The following CDH18 variants were observed in gnomAD, a reference collection of about 807,000 sequenced individuals.
The protein encoded by CDH18 is cadherin-18.
A neutral mutation model predicts 67.9 loss-of-function variants in CDH18; 31 were observed. The ratio of observed to expected loss-of-function variants is 0.46; its 90% CI spans 0.34 to 0.62. The LOEUF (loss-of-function observed/expected upper bound fraction) is 0.62. CDH18 is among the 20% of genes least tolerant of loss of function. The pLI is 0.01. For synonymous variants in CDH18, 362 were observed against 347.2 expected (o/e 1.04, Z -0.48); for missense variants, 890 against 975.5 (o/e 0.91, Z 1.17).
intron 2 of CDH18, among the ~76,000 whole-genome samples, chr5:20,050,533 G>T (rs1219398431): frequency 6.6e-6 from 1 of 151,822 alleles, no homozygotes; most frequent in Non-Finnish European, 1.5e-5. Context: ...TGCTTTCAAT[G>T]AGTCATTAAA....
chr5:19,509,841 T>C (rs749377069), intron 10 of CDH18, among the ~76,000 whole-genome samples: 35 of 152,298 alleles, frequency 2.3e-4, no homozygotes, highest in Non-Finnish European at 2.6e-4. Flanking sequence ...TCAAATTTCA[T>C]GCATGCATGC....
upstream of CDH18, among the ~76,000 whole-genome samples, chr5:19,992,829 T>A (rs1489379319): frequency 1.3e-5 from 2 of 152,178 alleles, no homozygotes; most frequent in East Asian, 3.9e-4. Flanking sequence ...ACATGGAGAA[T>A]TTTAAGTACA....
intron 5 of CDH18, among the ~76,000 whole-genome samples, chr5:19,637,435 A>C (rs1262102402): frequency 6.6e-6 from 1 of 151,966 alleles, no homozygotes; most frequent in Non-Finnish European, 1.5e-5. Context: ...TCCTATTTCT[A>C]CTTCTAATTG....
chr5:20,477,114 A>G (rs1043409508), intron 1 of CDH18, among the ~76,000 whole-genome samples: 4 of 152,292 alleles, frequency 2.6e-5, no homozygotes, highest in African/African-American at 9.6e-5. Flanking sequence ...TCCAGGGAAG[A>G]GTATTCCATG....
At chr5:19,533,764 C>T (rs1274388575) in intron 9 of CDH18, among the ~76,000 whole-genome samples, 1 of 152,044 alleles carries the variant, frequency 6.6e-6, no homozygotes, top group Non-Finnish European at 1.5e-5. Context: ...TTACAGATAT[C>T]AACATCCACT....
At chr5:20,299,597 A>G (rs113393093) in intron 1 of CDH18, among the ~76,000 whole-genome samples, 5,288 of 151,912 alleles carry the variant, frequency 0.035, 247 homozygotes, top group African/African-American at 0.1. Flanking sequence ...CGTCTCTACT[A>G]AAAATACAAA....
chr5:20,193,773 C>T (rs999420319), intron 2 of CDH18, among the ~76,000 whole-genome samples: 1 of 152,110 alleles, frequency 6.6e-6, no homozygotes, highest in African/African-American at 2.4e-5. Context: ...AGCTTCATTC[C>T]TGGGATGCGA....
Position 20,150,912 on chromosome 5 carries a change from C to T in CDH18, c.-518+104532G>A, listed in dbSNP as rs114195719. ...AATTTTTGTTATGCCTTTAACTCTG[C>T]TAAAGGTGTGATTTCCTATATTTCT... On this transcript the variant is annotated intron_variant, in intron 2 of 14. Coordinates refer to the CDH18 transcript ENST00000507958. Among the ~76,000 whole-genome samples, 586 of 152,094 alleles carry T rather than the reference C, an allele frequency of 3.9e-3. 3 individuals carry two copies. The highest frequency in any genetic ancestry group is 0.013 in the African/African-American group (541 of 41,520).
At chr5:20,560,771 G>A (rs1312819953) in intron 1 of CDH18, among the ~76,000 whole-genome samples, 3 of 151,980 alleles carry the variant, frequency 2.0e-5, no homozygotes, top group Non-Finnish European at 4.4e-5. Context: ...TGTTAAGTAG[G>A]TGAATGAATT....
At chr5:20,487,376 A>G (rs977390322) in intron 1 of CDH18, among the ~76,000 whole-genome samples, 9 of 149,896 alleles carry the variant, frequency 6.0e-5, no homozygotes, top group African/African-American at 2.0e-4. Flanking sequence ...ATAAACCTAT[A>G]TATGTATAAA....
chr5:20,372,629 C>A (rs1743093403), intron 1 of CDH18, among the ~76,000 whole-genome samples: 1 of 152,108 alleles, frequency 6.6e-6, no homozygotes, highest in East Asian at 1.9e-4. Context: ...ATTATTACAT[C>A]CACACACACA....
intron 1 of CDH18, among the ~76,000 whole-genome samples, chr5:20,532,231 T>A (rs1192959029): frequency 6.6e-6 from 1 of 152,132 alleles, no homozygotes; most frequent in Admixed American, 6.6e-5. Flanking sequence ...CCAAAATGTG[T>A]GTATTTCACC....
intron 7 of CDH18, among the ~76,000 whole-genome samples, chr5:19,589,680 T>C (rs1232107240): frequency 6.6e-6 from 1 of 152,116 alleles, no homozygotes; most frequent in Non-Finnish European, 1.5e-5. Flanking sequence ...TTCTTACATC[T>C]CTTCAATGGC....
At chr5:19,563,794 A>T (rs543058820) in intron 8 of CDH18, among the ~76,000 whole-genome samples, 2 of 152,166 alleles carry the variant, frequency 1.3e-5, no homozygotes, top group East Asian at 3.9e-4. Context: ...TGGTATTAAC[A>T]CTATATTAAT....
chr5:19,942,010 C>T (rs1350273095), intron 2 of CDH18, among the ~76,000 whole-genome samples: 1 of 152,112 alleles, frequency 6.6e-6, no homozygotes, highest in South Asian at 2.1e-4. Context: ...TGAGCCTAGA[C>T]ATGGCAGATA....
chr5:20,005,905 C>G (rs2150408074), intron 2 of CDH18, among the ~76,000 whole-genome samples: 1 of 152,078 alleles, frequency 6.6e-6, no homozygotes, highest in South Asian at 2.1e-4. Flanking sequence ...GGAGAACGAC[C>G]ATTAGCACTT....
chr5:20,229,552 C>T (rs2126493096), intron 2 of CDH18, among the ~76,000 whole-genome samples: 1 of 152,176 alleles, frequency 6.6e-6, no homozygotes, highest in East Asian at 1.9e-4. Flanking sequence ...ATGCTTTGTC[C>T]ACTAAATGCA....
At chr5:20,512,497 G>A (rs967032735) in intron 1 of CDH18, among the ~76,000 whole-genome samples, 1 of 152,072 alleles carries the variant, frequency 6.6e-6, no homozygotes, top group Non-Finnish European at 1.5e-5. Flanking sequence ...TAAGATACTT[G>A]AAAGTAAAAT....
At position 20,349,787 on chromosome 5, in the gene CDH18, C is replaced by T. The variant is rs76116398; in HGVS notation, c.-579-94282G>A. ...TCAGACCTAAGAAGAAATCATATTA[C>T]ATAACTATTAACACAGGAAAATAAT... On this transcript the variant is annotated intron_variant, in intron 1 of 14. Coordinates refer to the CDH18 transcript ENST00000507958. 6.6e-4 allele frequency among the ~76,000 whole-genome samples: 101 copies of T among 152,236 alleles called. 2 individuals carry two copies. The East Asian group carries it at 0.015, about 22-fold the overall frequency.
Sources: allele counts gnomAD v4.1 joint callset (sites outside exome capture counted in the v4.1 genomes callset), GRCh38; gene constraint gnomAD v4.1.1; transcripts MANE v1.5; gene names NCBI Gene and HGNC (gene_info 2026-07-23, HGNC 2026-07-21).